The following SMG1 variants were observed in gnomAD, a reference collection of about 807,000 sequenced individuals.
SMG1 encodes the protein SMG1 nonsense mediated mRNA decay associated PI3K related kinase, also known as serine/threonine-protein kinase SMG1.
Under a neutral mutation model 419.9 loss-of-function variants are expected in SMG1, and 22 were observed. The ratio of observed to expected loss-of-function variants is 0.05; its 90% CI spans 0.04 to 0.07. The LOEUF (loss-of-function observed/expected upper bound fraction) is 0.07, where lower values mean the gene tolerates loss of function less well. Among genes scored for constraint, SMG1 ranks in the 10% least tolerant of loss-of-function variants. SMG1 has a pLI of 1.00. For missense variants in SMG1, 3,185 were observed against 4,342.0 expected (o/e 0.73, Z 7.49); for synonymous variants, 1,538 against 1,553.5 (o/e 0.99, Z 0.23).
chr16:18,811,885 C>T lies in SMG1; in HGVS notation c.10802-18G>A, dbSNP rs1254515805. 8 of 1,613,584 alleles carry T rather than the reference C, an allele frequency of 5.0e-6. No homozygotes were observed. The highest frequency in any genetic ancestry group is 1.7e-4 in the Middle Eastern group (1 of 6,058). ...TTGCACCGCTATGAAGCAACAAAAA[C>T]ATACGTAAGTCAAACCGTCATTTTA... On this transcript the variant is annotated intron_variant, in intron 61 of 62. Transcript: ENST00000446231.
At chr16:18,830,564 G>A (rs1763642853) in intron 51 of SMG1, among the ~76,000 whole-genome samples, 195 bp from the exon 52 acceptor site, 1 of 152,154 alleles carries the variant, frequency 6.6e-6, no homozygotes, top group Non-Finnish European at 1.5e-5. Context: ...GAGGTGGGCA[G>A]ATCACCTGAG....
chr16:18,853,254 C>A (rs566577630), intron 31 of SMG1, among the ~76,000 whole-genome samples: 10 of 152,224 alleles, frequency 6.6e-5, no homozygotes, highest in African/African-American at 1.9e-4. Flanking sequence ...CTGTGTTCCA[C>A]CAATCAATAG....
intron 1 of SMG1, among the ~76,000 whole-genome samples, chr16:18,914,547 G>A (rs2037900661): frequency 6.6e-6 from 1 of 151,844 alleles, no homozygotes; most frequent in African/African-American, 2.4e-5. Context: ...AGCCAGGCGT[G>A]GTGGCAATCG....
At chr16:18,911,107 G>T (rs2037775484) in intron 1 of SMG1, among the ~76,000 whole-genome samples, 1 of 152,170 alleles carries the variant, frequency 6.6e-6, no homozygotes, top group Admixed American at 6.6e-5. Context: ...TTCTTAAGGT[G>T]TGAATACAAG....
chr16:18,837,935 T>C, intron 45 of SMG1, 79 bp downstream of exon 45: 1 of 1,459,218 alleles, frequency 6.9e-7, no homozygotes, highest in Non-Finnish European at 9.3e-7. Context: ...AGAGAAACAA[T>C]TTGCCTCAAC....
chr16:18,906,011 T>C (rs551239075), intron 1 of SMG1, among the ~76,000 whole-genome samples: 13 of 152,282 alleles, frequency 8.5e-5, no homozygotes, highest in Admixed American at 4.6e-4. Flanking sequence ...CACACCCATC[T>C]GGTAAAACCC....
chr16:18,883,031 AAAC>A (rs2036467258), intron 9 of SMG1, among the ~76,000 whole-genome samples: 1 of 152,234 alleles, frequency 6.6e-6, no homozygotes, highest in South Asian at 2.1e-4. Flanking sequence ...GGCAAAGAAA[AAAC>A]AACACAGAAG....
rs1200582070 is a variant in SMG1 at position 18,868,304 on chromosome 16, T to C, written c.3081A>G (p.Leu1027=). The stretch of plus-strand genomic sequence containing the variant: ...TCATGATGGAGAGTCGAATCCGCGT[T>C]AGCCAGTCCTGACAAGTTTGGCGAT... ...YTNRQTCQDW[L]TRIRLSIMRV... The change falls in exon 22 of 63, where the codon CTA becomes CTG. Residue 1027 remains leucine, a synonymous_variant. Coordinates refer to ENST00000446231, the MANE Select transcript of SMG1 (RefSeq NM_015092.5). 7.4e-5 allele frequency: 110 copies of C among 1,479,690 alleles called. No homozygotes were observed. In the East Asian group the frequency reaches 2.6e-3, roughly 35 times the overall value. The allele number at this position is 1,479,690 out of a possible 1,614,324, so 91.7% of individuals were successfully genotyped here.
chr16:18,833,153 T>C lies in SMG1; in HGVS notation c.8579A>G (p.Asn2860Ser). Residue 2860 changes from asparagine (N) to serine (S), a missense_variant, in exon 51 of 63, where the codon AAT becomes AGT. By Grantham distance (46) the Asn-to-Ser change is conservative. Around this residue, in one of 27 missense-constraint regions of SMG1, gnomAD observed 412 missense variants for 546.6 expected, o/e 0.75. Coordinates refer to ENST00000446231, the MANE Select transcript of SMG1 (RefSeq NM_015092.5). ...VYTSLQELNSNFRQIIFPEAL... is the reference protein window; with the variant it reads ...VYTSLQELNSSFRQIIFPEAL... ...TTCTGGAAATATGATTTGCCGGAAA[T>C]TCGAATTCAATTCCTATAAATATAT... The C allele has an allele frequency of 6.2e-7, 1 of 1,613,766 alleles. No individual in the cohort carries two copies.
intron 55 of SMG1, among the ~76,000 whole-genome samples, chr16:18,820,529 C>T (rs2032433358): frequency 6.6e-6 from 1 of 152,120 alleles, no homozygotes; most frequent in Non-Finnish European, 1.5e-5. Context: ...GGTAAAAATC[C>T]ATCCAGATTA....
chr16:18,880,378 C>CTAT (rs2036328397), intron 10 of SMG1, among the ~76,000 whole-genome samples: 1 of 152,062 alleles, frequency 6.6e-6, no homozygotes, highest in Non-Finnish European at 1.5e-5. Context: ...ACAACCAATA[C>CTAT]ATACAGGATT....
rs758969535 is a variant in SMG1, at chr16:18,915,058, G to A, written c.92+10892C>T. ...ATCATCTCCACTCACTGCAACCTCC[G>A]CCTCCCAAGTTCAAGCAATTCTCCT... On this transcript the variant is annotated intron_variant, in intron 1 of 62. Coordinates refer to ENST00000446231, the MANE Select transcript of SMG1 (RefSeq NM_015092.5). Among the ~76,000 whole-genome samples, 7 of 147,172 alleles carry A rather than the reference G, an allele frequency of 4.8e-5. 1 individual carries two copies. Among genetic ancestry groups the A allele is most frequent in the Non-Finnish European group, 1.0e-4 (7 of 67,668 alleles).
intron 54 of SMG1, among the ~76,000 whole-genome samples, 156 bp downstream of exon 54, chr16:18,829,130 G>C (rs942269686): frequency 1.3e-5 from 2 of 152,192 alleles, no homozygotes; most frequent in Non-Finnish European, 2.9e-5. Context: ...AGTATCATTG[G>C]AAAGAAAGTG....
At chr16:18,812,669 T>C (rs112179323) in intron 60 of SMG1, among the ~76,000 whole-genome samples, 1 of 150,892 alleles carries the variant, frequency 6.6e-6, no homozygotes, top group East Asian at 1.9e-4. Flanking sequence ...CACATATATA[T>C]ATACACACAC....
chr16:18,887,568 G>T (rs1424201737), intron 6 of SMG1, among the ~76,000 whole-genome samples: 4 of 111,528 alleles, frequency 3.6e-5, no homozygotes, highest in African/African-American at 1.4e-4. Context: ...TGCCCAGGCT[G>T]GTCTCAAACT....
chr16:18,841,208 T>G (rs1259077127), intron 41 of SMG1, among the ~76,000 whole-genome samples: 1 of 152,090 alleles, frequency 6.6e-6, no homozygotes, highest in African/African-American at 2.4e-5. Flanking sequence ...GAGACCAACC[T>G]GAGCAACATG....
intron 9 of SMG1, among the ~76,000 whole-genome samples, chr16:18,883,388 T>C (rs918663538): frequency 1.3e-5 from 2 of 152,248 alleles, no homozygotes; most frequent in Non-Finnish European, 2.9e-5. Context: ...CCTGTACATA[T>C]GTAAGAGGAA....
chr16:18,852,441 G>A lies in SMG1; in HGVS notation c.4790C>T (p.Pro1597Leu), dbSNP rs1410301659. 2 of 1,590,798 alleles carry A rather than the reference G, an allele frequency of 1.3e-6. No individual in the cohort carries two copies. Among genetic ancestry groups the A allele is most frequent in the Non-Finnish European group, 1.7e-6 (2 of 1,168,746 alleles). ...ATACAACTGTCCCAAAATGAAGTCA[G>A]GTTCTCCAACTCCAATATGCACTGC... ...ESTVHIGVGE[P>L]DFILGQLYHL... The change falls in exon 32 of 63, where the codon CCT becomes CTT. Residue 1597 changes from proline to leucine, a missense_variant. Physicochemically the swap from Pro to Leu is moderately conservative, Grantham distance 98 (BLOSUM62 -3). Transcript: ENST00000446231.
chr16:18,903,619 C>T (rs569347658), intron 1 of SMG1, among the ~76,000 whole-genome samples: 3 of 152,188 alleles, frequency 2.0e-5, no homozygotes, highest in African/African-American at 7.2e-5. Flanking sequence ...AGTTTACATA[C>T]GTTTATCATG....
Sources: allele counts gnomAD v4.1 joint callset (sites outside exome capture counted in the v4.1 genomes callset), GRCh38; gene constraint gnomAD v4.1.1; regional missense constraint gnomAD v4.1.1; transcripts MANE v1.5; gene names NCBI Gene and HGNC (gene_info 2026-07-23, HGNC 2026-07-21).